Variants in ARHGAP22 observed in about 807,000 individuals in gnomAD.
ARHGAP22 encodes the protein Rho GTPase activating protein 22, also known as rho GTPase-activating protein 22.
ARHGAP22 carries 48 observed loss-of-function variants against 59.1 expected under a neutral mutation model. The ratio of observed to expected loss-of-function variants is 0.81; its 90% CI spans 0.64 to 1.03. The LOEUF (loss-of-function observed/expected upper bound fraction) is 1.03, where lower values mean the gene tolerates loss of function less well. ARHGAP22 is among the 50% of genes least tolerant of loss of function. The pLI, the probability that ARHGAP22 is intolerant of heterozygous loss-of-function variation, is 0.00. For synonymous variants in ARHGAP22, 445 were observed against 416.4 expected, an observed-to-expected ratio of 1.07 and a Z score of -0.84; for missense variants, 1,015 against 958.7, an observed-to-expected ratio of 1.06 and a Z score of -0.78.
intron 3 of ARHGAP22, among the ~76,000 whole-genome samples, chr10:48,517,748 G>A (rs1045860515): frequency 4.6e-5 from 7 of 152,290 alleles, no homozygotes; most frequent in African/African-American, 1.2e-4. Context: ...AGGGGGTGCC[G>A]GGACTTCTCG....
intron 2 of ARHGAP22, among the ~76,000 whole-genome samples, chr10:48,573,472 A>T (rs1288000961): frequency 6.6e-6 from 1 of 152,242 alleles, no homozygotes; most frequent in Non-Finnish European, 1.5e-5. Flanking sequence ...TATTCGTGGC[A>T]GACTTACCAC....
chr10:48,570,324 A>C (rs2058318677), intron 2 of ARHGAP22, among the ~76,000 whole-genome samples: 1 of 152,256 alleles, frequency 6.6e-6, no homozygotes. Flanking sequence ...AATTCTTCAC[A>C]GAAGAAGCAT....
At chr10:48,464,417 G>T (rs1281152991) in intron 4 of ARHGAP22, among the ~76,000 whole-genome samples, 3 of 152,228 alleles carry the variant, frequency 2.0e-5, no homozygotes, top group Non-Finnish European at 1.5e-5. Flanking sequence ...CCAGGAAAGG[G>T]ACATCCACAG....
At chr10:48,559,368 T>C (rs2057534733) in intron 2 of ARHGAP22, among the ~76,000 whole-genome samples, 1 of 152,208 alleles carries the variant, frequency 6.6e-6, no homozygotes, top group South Asian at 2.1e-4. Flanking sequence ...TCAGCCTATG[T>C]ATCTAAGTTC....
At chr10:48,495,085 G>A (rs564865892) in intron 3 of ARHGAP22, among the ~76,000 whole-genome samples, 2 of 152,292 alleles carry the variant, frequency 1.3e-5, no homozygotes, top group South Asian at 2.1e-4. Flanking sequence ...GTCTGCATAC[G>A]TGTTTACTGC....
chr10:48,479,520 G>C lies in ARHGAP22; in HGVS notation c.451+116C>G, dbSNP rs1275791922. On this transcript the variant is annotated intron_variant, in intron 4 of 9. Transcript: ENST00000249601. ...GGGCCAGCCTGCTGTGAGAAGCACA[G>C]GATGCAGCCAGCAAGTCCTCAGTGA... The C allele has an allele frequency of 3.8e-6, 6 of 1,573,458 alleles. No homozygotes were observed. In the Admixed American group the frequency reaches 7.2e-5, roughly 19 times the overall value.
intron 3 of ARHGAP22, among the ~76,000 whole-genome samples, chr10:48,517,499 C>T (rs957899554): frequency 6.6e-6 from 1 of 152,202 alleles, no homozygotes; most frequent in African/African-American, 2.4e-5. Context: ...AGAAAACACA[C>T]CTCCAAGCCT....
intron 3 of ARHGAP22, among the ~76,000 whole-genome samples, chr10:48,519,205 G>A (rs760607740): frequency 4.6e-5 from 7 of 152,206 alleles, no homozygotes; most frequent in Non-Finnish European, 2.9e-5. Context: ...CACCCAGTCA[G>A]TAACAGCCAT....
downstream of ARHGAP22, chr10:48,445,264 G>A (rs959325625): frequency 1.3e-5 from 2 of 152,322 alleles, no homozygotes; most frequent in African/African-American, 4.8e-5. Flanking sequence ...CAGAAACTGG[G>A]CGCTCTGGTG....
At chr10:48,590,787 T>G (rs1437971286) in intron 1 of ARHGAP22, among the ~76,000 whole-genome samples, 1 of 151,114 alleles carries the variant, frequency 6.6e-6, no homozygotes, top group Admixed American at 6.6e-5. Context: ...CTGGAGGTGG[T>G]CATGGGGGTA....
At chr10:48,616,215 T>C (rs2061075676) in intron 1 of ARHGAP22, among the ~76,000 whole-genome samples, 1 of 152,192 alleles carries the variant, frequency 6.6e-6, no homozygotes, top group South Asian at 2.1e-4. Flanking sequence ...TCTTTTTAAA[T>C]TAAATTATAT....
At chr10:48,608,451 T>G (rs2060758369), upstream of ARHGAP22, among the ~76,000 whole-genome samples, 1 of 152,164 alleles carries the variant, frequency 6.6e-6, no homozygotes, top group African/African-American at 2.4e-5. Context: ...AGGCGACATA[T>G]AGATAGCAAA....
chr10:48,540,286 G>C (rs367849904), intron 3 of ARHGAP22, among the ~76,000 whole-genome samples: 19 of 152,352 alleles, frequency 1.2e-4, no homozygotes, highest in Admixed American at 9.8e-4. Context: ...GCCCAGGCTG[G>C]AGTGCAATGG....
chr10:48,509,184 C>T (rs2052486349), intron 3 of ARHGAP22, among the ~76,000 whole-genome samples: 1 of 152,220 alleles, frequency 6.6e-6, no homozygotes, highest in Non-Finnish European at 1.5e-5. Context: ...GCAGTGGTCT[C>T]ACCTGCAGAG....
chr10:48,524,549 G>A (rs2054156343), intron 3 of ARHGAP22, among the ~76,000 whole-genome samples: 1 of 152,074 alleles, frequency 6.6e-6, no homozygotes, highest in Non-Finnish European at 1.5e-5. Flanking sequence ...TGGCCTCCCC[G>A]CGCAGAATGG....
At chr10:48,479,929 C>T (rs552893933) in intron 3 of ARHGAP22, among the ~76,000 whole-genome samples, 165 bp from the exon 4 acceptor site, 2,493 of 152,350 alleles carry the variant, frequency 0.016, 70 homozygotes, top group African/African-American at 0.056. Context: ...CAACTCATAT[C>T]TCTTTCTTTG....
chr10:48,495,391 A>G (rs2050810964), intron 3 of ARHGAP22, among the ~76,000 whole-genome samples: 1 of 152,258 alleles, frequency 6.6e-6, no homozygotes, highest in Admixed American at 6.5e-5. Context: ...CCATTTACAG[A>G]TGAGAACACA....
At chr10:48,445,887 G>C (rs182586075), downstream of ARHGAP22, 79 of 161,160 alleles carry the variant, frequency 4.9e-4, 1 homozygote, top group African/African-American at 1.8e-3. Context: ...TTGCCCCTTG[G>C]GGGGCTTCAC....
intron 3 of ARHGAP22, among the ~76,000 whole-genome samples, chr10:48,551,321 T>C (rs1838572): frequency 0.59 from 90,316 of 152,078 alleles, 28,120 homozygotes; most frequent in East Asian, 0.98. Flanking sequence ...GCCCATGTCA[T>C]CCTCTTTTCT....
Sources: gnomAD v4.1 joint callset for allele counts (sites outside exome capture counted in the v4.1 genomes callset) on GRCh38, gnomAD v4.1.1 for gene constraint, MANE v1.5 for transcripts, NCBI Gene and HGNC (gene_info 2026-07-23, HGNC 2026-07-21) for gene names.